The following NOVA1 variants were observed in gnomAD, a reference collection of about 807,000 sequenced individuals.
NOVA1 encodes RNA-binding protein Nova-1.
In NOVA1, 7 loss-of-function variants were observed where a neutral mutation model predicts 38.0. That is an observed-to-expected ratio of 0.18 (90% CI 0.10 to 0.35). NOVA1 has a LOEUF of 0.35. Ranked by LOEUF, NOVA1 falls within the 10% of genes least tolerant of loss-of-function variation. The pLI is 1.00. For synonymous variants in NOVA1, 270 were observed against 232.5 expected, an observed-to-expected ratio of 1.16 and a Z score of -1.47; for missense variants, 460 against 616.0, an observed-to-expected ratio of 0.75 and a Z score of 2.68.
chr14:26,596,877 C>A, intron 1 of NOVA1: 1 of 1,161,494 alleles, frequency 8.6e-7, no homozygotes, highest in Non-Finnish European at 1.1e-6. Flanking sequence ...ATCCGCTACC[C>A]AAGTGCCATT....
chr14:26,495,586 G>A (rs904210825), intron 2 of NOVA1, among the ~76,000 whole-genome samples: 113 of 136,442 alleles, frequency 8.3e-4, no homozygotes, highest in African/African-American at 3.3e-3. Context: ...ATGCTGGTGC[G>A]CTGCACCCAC....
chr14:26,464,732 AAT>A (rs1883974976), intron 4 of NOVA1, among the ~76,000 whole-genome samples: 1 of 152,166 alleles, frequency 6.6e-6, no homozygotes, highest in Non-Finnish European at 1.5e-5. Flanking sequence ...GAAAAATGGG[AAT>A]ATGATGAAAA....
At chr14:26,526,025 T>C (rs1389381102) in intron 2 of NOVA1, among the ~76,000 whole-genome samples, 3 of 152,112 alleles carry the variant, frequency 2.0e-5, no homozygotes, top group Non-Finnish European at 4.4e-5. Flanking sequence ...GGAAATATTA[T>C]ATAATTTTTA....
rs867922704 is a variant in NOVA1 at position 26,493,118 on chromosome 14, T to G, written c.281-12975A>C. Among the ~76,000 whole-genome samples, 10 of 152,194 alleles carry G rather than the reference T, an allele frequency of 6.6e-5. No homozygotes were observed. In the South Asian group the frequency reaches 2.1e-3, roughly 32 times the overall value. ...CCCTGATGTGAAACACAATGGAGTA[T>G]CTTATTACCTATTTTTTCAACATTA... On this transcript the variant is annotated intron_variant, in intron 2 of 4. Transcript: ENST00000539517.
chr14:26,463,367 T>C (rs1318425253), intron 4 of NOVA1, among the ~76,000 whole-genome samples: 1 of 152,220 alleles, frequency 6.6e-6, no homozygotes, highest in Non-Finnish European at 1.5e-5. Flanking sequence ...CTGATATGTG[T>C]ATTATACACA....
chr14:26,591,978 T>C (rs899981412), intron 2 of NOVA1, among the ~76,000 whole-genome samples: 3 of 151,058 alleles, frequency 2.0e-5, no homozygotes, highest in South Asian at 2.1e-4. Context: ...CAGTGTAAAA[T>C]AGACAGATTC....
At chr14:26,503,731 A>G (rs1887415729) in intron 2 of NOVA1, among the ~76,000 whole-genome samples, 1 of 152,080 alleles carries the variant, frequency 6.6e-6, no homozygotes. Context: ...TAAAAATTAA[A>G]CTTAGGGTTC....
In NOVA1 at chr14:26,489,404, G is replaced by T. The variant is rs796240776; in HGVS notation, c.281-9261C>A. Among the ~76,000 whole-genome samples the T allele has an allele frequency of 2.6e-5, 4 of 151,968 alleles. No homozygotes were observed. The South Asian group carries it at 8.3e-4, about 31-fold the overall frequency. On this transcript the variant is annotated intron_variant, in intron 2 of 4. Coordinates refer to ENST00000539517, the MANE Select transcript of NOVA1 (RefSeq NM_002515.3). ...CAAATAAATGTAGAGGTAGGATAAAGAATTTTGACTGTTTAACTTGGTGGG... is the reference window on the plus strand; with the variant it reads ...CAAATAAATGTAGAGGTAGGATAAATAATTTTGACTGTTTAACTTGGTGGG...
rs567237589 is a variant in NOVA1 at position 26,576,897 on chromosome 14, T to C, written c.280+18513A>G. ...GAGCATGTAAAATCTACTCTCTTAG[T>C]ACATTTTAGTATACAACACAATATT... On this transcript the variant is annotated intron_variant, in intron 2 of 4. Transcript: ENST00000539517. Among the ~76,000 whole-genome samples, 40 of 152,092 alleles carry C rather than the reference T, an allele frequency of 2.6e-4. No individual in the cohort carries two copies. The South Asian group carries it at 7.9e-3, about 30-fold the overall frequency.
chr14:26,555,087 A>T (rs1386812972), intron 2 of NOVA1, among the ~76,000 whole-genome samples: 1 of 152,112 alleles, frequency 6.6e-6, no homozygotes, highest in Non-Finnish European at 1.5e-5. Flanking sequence ...AAAAAGAAAG[A>T]AAAAAGAGTT....
chr14:26,536,177 C>T (rs1890082089), intron 2 of NOVA1, among the ~76,000 whole-genome samples: 1 of 148,548 alleles, frequency 6.7e-6, no homozygotes, highest in African/African-American at 2.5e-5. Context: ...GAACTATGGA[C>T]AGATAAAGTA....
chr14:26,481,404 GAC>G (rs1566462779), intron 2 of NOVA1, among the ~76,000 whole-genome samples: 1 of 151,988 alleles, frequency 6.6e-6, no homozygotes, highest in Admixed American at 6.6e-5. Flanking sequence ...TAAAGATTCT[GAC>G]ACACAGACCA....
chr14:26,462,368 A>G (rs1883751984), intron 4 of NOVA1, among the ~76,000 whole-genome samples: 1 of 152,180 alleles, frequency 6.6e-6, no homozygotes, highest in Non-Finnish European at 1.5e-5. Context: ...GAAAAAAAAG[A>G]GACAGTGTCA....
chr14:26,589,063 C>A (rs1893693260), intron 2 of NOVA1, among the ~76,000 whole-genome samples: 1 of 151,384 alleles, frequency 6.6e-6, no homozygotes, highest in Non-Finnish European at 1.5e-5. Flanking sequence ...AAATTATATT[C>A]AATGGATACC....
intron 2 of NOVA1, among the ~76,000 whole-genome samples, chr14:26,584,252 T>G (rs2138781594): frequency 6.6e-6 from 1 of 151,588 alleles, no homozygotes; most frequent in South Asian, 2.1e-4. Flanking sequence ...CCCTTTGCCT[T>G]TTCCTTTCTA....
chr14:26,531,397 C>T (rs1053166315), intron 2 of NOVA1, among the ~76,000 whole-genome samples: 4 of 152,122 alleles, frequency 2.6e-5, no homozygotes, highest in Non-Finnish European at 5.9e-5. Flanking sequence ...CACCTGAGGT[C>T]GGGAGTTTGA....
chr14:26,475,173 C>T lies in NOVA1; in HGVS notation c.448-2782G>A, dbSNP rs185495231. ...ATATAAATGTACAAGTTGTTTATTT[C>T]CTTAATATTTTATTATATTATTATT... is the stretch of plus-strand genomic sequence containing the variant. On this transcript the variant is annotated intron_variant, in intron 3 of 4. Transcript: ENST00000539517. 2.2e-3 allele frequency among the ~76,000 whole-genome samples: 335 copies of T among 152,026 alleles called. 13 individuals carry two copies. Among genetic ancestry groups the T allele is most frequent in the Non-Finnish European group, 2.6e-4 (18 of 67,962 alleles).
intron 4 of NOVA1, among the ~76,000 whole-genome samples, chr14:26,460,032 T>C (rs1883519325): frequency 6.6e-6 from 1 of 151,872 alleles, no homozygotes; most frequent in Non-Finnish European, 1.5e-5. Flanking sequence ...ATATATTTCT[T>C]ATTATTTTAA....
At chr14:26,461,071 G>T (rs2138608797) in intron 4 of NOVA1, among the ~76,000 whole-genome samples, 1 of 152,288 alleles carries the variant, frequency 6.6e-6, no homozygotes, top group East Asian at 1.9e-4. Context: ...AGCTATGGCT[G>T]CAGGGAAAAC....
Sources: gnomAD v4.1 joint callset for allele counts (sites outside exome capture counted in the v4.1 genomes callset) on GRCh38, gnomAD v4.1.1 for gene constraint, MANE v1.5 for transcripts, NCBI Gene and HGNC (gene_info 2026-07-23, HGNC 2026-07-21) for gene names.